C3orf38: variants seen among roughly 807,000 people sequenced by gnomAD.
C3orf38 encodes chromosome 3 open reading frame 38.
In C3orf38, 18 loss-of-function variants were observed where a neutral mutation model predicts 28.3. That is an observed-to-expected ratio of 0.64 (90% CI 0.44 to 0.94). C3orf38 has a LOEUF of 0.94. Ranked by LOEUF, C3orf38 falls within the 40% of genes least tolerant of loss-of-function variation. C3orf38 has a pLI of 0.00. For synonymous variants in C3orf38, 145 were observed against 138.1 expected (o/e 1.05, Z -0.35); for missense variants, 364 against 396.4 (o/e 0.92, Z 0.69).
Position 88,153,434 on chromosome 3 carries a change from C to T in C3orf38, c.338C>T (p.Pro113Leu), listed in dbSNP as rs757253314. The change falls in exon 2 of 3, where the codon CCA (proline) becomes CTA (leucine). Residue 113 changes from proline (P) to leucine (L), a missense_variant. Coordinates refer to ENST00000318887, the MANE Select transcript of C3orf38 (RefSeq NM_173824.4). ...CTGAAATTGAAGGAAACGCCAGAGC[C>T]AGTTACAAAGACAGAGGACATCCAC... ...PQLKLKETPE[P>L]VTKTEDIHLF... 6.2e-7 allele frequency: 1 copy of T among 1,613,042 alleles called. No homozygotes were observed. Among genetic ancestry groups the T allele is most frequent in the Non-Finnish European group, 8.5e-7 (1 of 1,179,026 alleles).
intron 2 of C3orf38, 135 bp downstream of exon 2, chr3:88,153,606 C>T: frequency 2.7e-6 from 3 of 1,105,280 alleles, no homozygotes; most frequent in Non-Finnish European, 3.8e-6. Context: ...GATTCTTGCT[C>T]TGTTGCCCAG....
chr3:88,150,042 C>CA lies in C3orf38; in HGVS notation c.-10dup, dbSNP rs746699122. 249 of 1,614,040 alleles carry CA rather than the reference C, an allele frequency of 1.5e-4. 4 individuals carry two copies. Among genetic ancestry groups the CA allele is most frequent in the East Asian group, 1.6e-4 (7 of 44,854 alleles). On this transcript the variant is annotated 5_prime_UTR_variant, in exon 1 of 3. Coordinates refer to ENST00000318887, the MANE Select transcript of C3orf38 (RefSeq NM_173824.4). Reference sequence around the variant, plus strand: ...CATTGTTGCCGTTGTCTTTCCCCCCCAGTCCCGGGGATGGAGATGTCGGGA... The same window carrying CA: ...CATTGTTGCCGTTGTCTTTCCCCCCCAAGTCCCGGGGATGGAGATGTCGGGA...
At chr3:88,151,665 C>T (rs1707415271) in intron 1 of C3orf38, among the ~76,000 whole-genome samples, 1 of 152,166 alleles carries the variant, frequency 6.6e-6, no homozygotes, top group South Asian at 2.1e-4. Flanking sequence ...TGTAATTGGA[C>T]GCAGAATAGA....
Position 88,150,041 on chromosome 3 carries a change from C to T in C3orf38, c.-12C>T. ...ACATTGTTGCCGTTGTCTTTCCCCC[C>T]CAGTCCCGGGGATGGAGATGTCGGG... On this transcript the variant is annotated 5_prime_UTR_variant, in exon 1 of 3. Transcript: ENST00000318887. The T allele has an allele frequency of 1.2e-6, 2 of 1,614,020 alleles. No individual in the cohort carries two copies. Among genetic ancestry groups the T allele is most frequent in the Non-Finnish European group, 1.7e-6 (2 of 1,179,976 alleles).
chr3:88,151,429 A>G (rs1707411268), intron 1 of C3orf38, among the ~76,000 whole-genome samples: 1 of 152,144 alleles, frequency 6.6e-6, no homozygotes, highest in East Asian at 1.9e-4. Flanking sequence ...CAAATTTGAC[A>G]TCTCCTAAAA....
chr3:88,150,319 G>A, intron 1 of C3orf38, 134 bp downstream of exon 1: 2 of 1,057,078 alleles, frequency 1.9e-6, no homozygotes, highest in Non-Finnish European at 2.7e-6. Context: ...GCCGACTTGG[G>A]CTGCCGGGTC....
rs1378466153 is a variant in C3orf38, at chr3:88,156,691, T to G, written c.*56T>G. 1.3e-6 allele frequency: 2 copies of G among 1,545,690 alleles called. No homozygotes were observed. The highest frequency in any genetic ancestry group is 1.7e-6 in the Non-Finnish European group (2 of 1,148,236). On this transcript the variant is annotated 3_prime_UTR_variant, in exon 3 of 3. Transcript: ENST00000318887. ...AGAGAACTGGGTTTACCTGACCCTC[T>G]AAAGCGCTAAGTACTGTCAGCCTGA...
At chr3:88,150,244 C>T in intron 1 of C3orf38, 59 bp downstream of exon 1, 1 of 1,590,178 alleles carries the variant, frequency 6.3e-7, no homozygotes, top group Admixed American at 1.7e-5. Context: ...CACGCCTACC[C>T]CGCTTAGGCA....
chr3:88,155,741 G>A (rs1398555080), intron 2 of C3orf38, among the ~76,000 whole-genome samples: 7 of 152,092 alleles, frequency 4.6e-5, no homozygotes, highest in Admixed American at 3.9e-4. Context: ...ACAGGCGTGA[G>A]CCACCACGCC....
At position 88,153,089 on chromosome 3, in the gene C3orf38, T is replaced by G. The variant is rs142326947; in HGVS notation, c.134-141T>G. 8 of 816,562 alleles carry G rather than the reference T, an allele frequency of 9.8e-6. No homozygotes were observed. In the African/African-American group the frequency reaches 1.2e-4, roughly 12 times the overall value. 50.6% of individuals were successfully genotyped at this position (816,562 alleles called of 1,614,324 possible). ...GAAAACTGACAACGGACTTCCTATT[T>G]TTTAAAAATGATGACTATCATGTAA... is the stretch of plus-strand genomic sequence containing the variant. On this transcript the variant is annotated intron_variant, in intron 1 of 2. Coordinates refer to ENST00000318887, the MANE Select transcript of C3orf38 (RefSeq NM_173824.4).
rs1707480176 is a variant in C3orf38, at chr3:88,156,399, C to A, written c.754C>A (p.Gln252Lys). ...AAACACTTGTTTGGGCATTTTTGAA[C>A]AAATTTTTGGACTCATCCGCTGCCC... ...RGNTCLGIFE[Q>K]IFGLIRCPFV... is the part of the protein sequence containing the mutation. Residue 252 changes from glutamine to lysine, a missense_variant, in exon 3 of 3, where the codon CAA (glutamine) becomes AAA (lysine). Gln to Lys is a moderately conservative substitution (Grantham distance 53). Transcript: ENST00000318887. 6.2e-7 allele frequency: 1 copy of A among 1,614,174 alleles called. No homozygotes were observed. Among genetic ancestry groups the A allele is most frequent in the African/African-American group, 1.3e-5 (1 of 75,054 alleles).
At chr3:88,150,263 G>C (rs751704367) in intron 1 of C3orf38, 78 bp downstream of exon 1, 25 of 1,537,462 alleles carry the variant, frequency 1.6e-5, no homozygotes, top group Non-Finnish European at 2.0e-5. Flanking sequence ...CAGAATCCTC[G>C]GGAATGTTGG....
chr3:88,150,101 C>G lies in C3orf38; in HGVS notation c.49C>G (p.Leu17Val). 6.2e-7 allele frequency: 1 copy of G among 1,614,204 alleles called. No homozygotes were observed. The highest frequency in any genetic ancestry group is 8.5e-7 in the Non-Finnish European group (1 of 1,180,048). The change falls in exon 1 of 3, where the codon CTA (leucine) becomes GTA (valine). Residue 17 changes from leucine to valine, a missense_variant. Coordinates refer to ENST00000318887, the MANE Select transcript of C3orf38 (RefSeq NM_173824.4). ...SFSEMEGCRN[L>V]LGLLDNDEIM... ...TTCAGAGATGGAGGGCTGCCGTAAC[C>G]TACTTGGCCTACTGGACAACGACGA...
At chr3:88,155,969 T>G (rs1029471843) in intron 2 of C3orf38, 52 bp from the exon 3 acceptor site, 1 of 1,385,506 alleles carries the variant, frequency 7.2e-7, no homozygotes, top group Non-Finnish European at 9.7e-7. Context: ...AAAATAGATA[T>G]GAAAGTTAAA....
Position 88,153,247 on chromosome 3 carries a change from T to C in C3orf38, c.151T>C (p.Leu51=), listed in dbSNP as rs1707439237. ...QDRQDAVHAI[L]AYSQSAEELL... ...CTTTCTAGATGCTGTTCATGCAATA[T>C]TAGCATACAGTCAAAGTGCAGAAGA... The change falls in exon 2 of 3, where the codon TTA becomes CTA. Residue 51 remains leucine (L), a synonymous_variant. Transcript: ENST00000318887. The C allele has an allele frequency of 5.6e-6, 9 of 1,612,614 alleles. No homozygotes were observed. The highest frequency in any genetic ancestry group is 7.6e-6 in the Non-Finnish European group (9 of 1,179,622).
rs768525776 is a variant in C3orf38 at position 88,150,076 on chromosome 3, T to A, written c.24T>A (p.Phe8Leu). The A allele has an allele frequency of 6.2e-7, 1 of 1,614,142 alleles. No individual in the cohort carries two copies. Among genetic ancestry groups the A allele is most frequent in the South Asian group, 1.1e-5 (1 of 91,068 alleles). ...GGATGGAGATGTCGGGACTCAGCTT[T>A]TCAGAGATGGAGGGCTGCCGTAACC... MEMSGLS[F>L]SEMEGCRNLL... is the part of the protein sequence containing the mutation. The change falls in exon 1 of 3, where the codon TTT becomes TTA. Residue 8 changes from phenylalanine to leucine, a missense_variant. Phe to Leu is a conservative substitution (Grantham distance 22). Transcript: ENST00000318887.
chr3:88,155,934 A>T, intron 2 of C3orf38, 87 bp from the exon 3 acceptor site: 4 of 1,086,016 alleles, frequency 3.7e-6, no homozygotes, highest in Non-Finnish European at 5.1e-6. Flanking sequence ...TAATGGGTTC[A>T]TTCAAACTTA....
At chr3:88,153,818 T>C (rs1158494666) in intron 2 of C3orf38, among the ~76,000 whole-genome samples, 2 of 152,096 alleles carry the variant, frequency 1.3e-5, no homozygotes, top group African/African-American at 4.8e-5. Flanking sequence ...CAAGTGGTCC[T>C]CCCGCCTCAG....
At chr3:88,153,932 A>G (rs1405023470) in intron 2 of C3orf38, among the ~76,000 whole-genome samples, 1 of 152,202 alleles carries the variant, frequency 6.6e-6, no homozygotes, top group Non-Finnish European at 1.5e-5. Flanking sequence ...GGAAGAGACC[A>G]GTAAAGCAAC....
Sources: gnomAD v4.1 joint callset for allele counts (sites outside exome capture counted in the v4.1 genomes callset) on GRCh38, gnomAD v4.1.1 for gene constraint, MANE v1.5 for transcripts, NCBI Gene and HGNC (gene_info 2026-07-23, HGNC 2026-07-21) for gene names.